Variants in SHANK2 observed in about 807,000 individuals in gnomAD.
The protein encoded by SHANK2 is SH3 and multiple ankyrin repeat domains protein 2.
SHANK2 carries 43 observed loss-of-function variants against 133.7 expected under a neutral mutation model. The ratio of observed to expected loss-of-function variants is 0.32; its 90% CI spans 0.25 to 0.41. The LOEUF (loss-of-function observed/expected upper bound fraction) is 0.41, where lower values mean the gene tolerates loss of function less well. Ranked by LOEUF, SHANK2 falls within the 10% of genes least tolerant of loss-of-function variation. The pLI is 1.00. For synonymous variants in SHANK2, 1,017 were observed against 952.8 expected, an observed-to-expected ratio of 1.07 and a Z score of -1.24; for missense variants, 1,994 against 2,235.8, an observed-to-expected ratio of 0.89 and a Z score of 2.18.
chr11:71,070,261 C>T (rs1177000400), intron 9 of SHANK2, among the ~76,000 whole-genome samples: 1 of 152,090 alleles, frequency 6.6e-6, no homozygotes, highest in Non-Finnish European at 1.5e-5. Context: ...TTAAAGACAC[C>T]CTAGAACCCT....
chr11:70,728,927 G>A (rs1407784021), intron 14 of SHANK2, among the ~76,000 whole-genome samples: 10 of 152,136 alleles, frequency 6.6e-5, no homozygotes, highest in African/African-American at 1.2e-4. Context: ...ATGAAGGGCC[G>A]GGCGTGGTGG....
chr11:70,581,373 C>A (rs1193576602), intron 17 of SHANK2, among the ~76,000 whole-genome samples: 1 of 151,790 alleles, frequency 6.6e-6, no homozygotes, highest in Non-Finnish European at 1.5e-5. Context: ...TTACTTCTCA[C>A]CAACACCATA....
At chr11:70,813,489 G>A (rs1334039404) in intron 12 of SHANK2, among the ~76,000 whole-genome samples, 1 of 152,120 alleles carries the variant, frequency 6.6e-6, no homozygotes, top group Non-Finnish European at 1.5e-5. Flanking sequence ...GGGAGCCCCT[G>A]ATGTGTAGAA....
intron 9 of SHANK2, among the ~76,000 whole-genome samples, chr11:71,068,526 A>C (rs1010090806): frequency 4.6e-5 from 7 of 152,210 alleles, no homozygotes; most frequent in Non-Finnish European, 8.8e-5. Context: ...GTTCAGGGAG[A>C]AGGGCTGTCA....
At chr11:71,150,801 C>G (rs556118494) in intron 2 of SHANK2, among the ~76,000 whole-genome samples, 1 of 152,122 alleles carries the variant, frequency 6.6e-6, no homozygotes, top group African/African-American at 2.4e-5. Context: ...AACTTCTCAC[C>G]CTGTGTTTAG....
At chr11:71,170,526 AG>A (rs1210729163) in intron 2 of SHANK2, among the ~76,000 whole-genome samples, 1 of 152,194 alleles carries the variant, frequency 6.6e-6, no homozygotes, top group Non-Finnish European at 1.5e-5. Context: ...GCCATCATGA[AG>A]GGATGTCTGT....
intron 17 of SHANK2, among the ~76,000 whole-genome samples, chr11:70,602,113 C>T (rs2060505616): frequency 1.3e-5 from 2 of 152,142 alleles, no homozygotes; most frequent in Admixed American, 1.3e-4. Context: ...TGCGTGGCAG[C>T]TCCCCCTTGC....
At chr11:71,217,121 C>CG (rs1193578815) in intron 2 of SHANK2, among the ~76,000 whole-genome samples, 2 of 151,644 alleles carry the variant, frequency 1.3e-5, no homozygotes, top group African/African-American at 2.4e-5. Context: ...CGCTTGAACC[C>CG]GGGGGGTAGA....
At chr11:70,924,943 C>T (rs1398441627) in intron 10 of SHANK2, among the ~76,000 whole-genome samples, 3 of 152,160 alleles carry the variant, frequency 2.0e-5, no homozygotes, top group Non-Finnish European at 4.4e-5. Flanking sequence ...AAGCGTTCAC[C>T]AGGACCCTCC....
intron 17 of SHANK2, among the ~76,000 whole-genome samples, chr11:70,526,382 C>T (rs1337522705): frequency 4.6e-5 from 7 of 152,214 alleles, no homozygotes; most frequent in African/African-American, 1.4e-4. Flanking sequence ...GGCTGGCTCT[C>T]GCTGGGTCAC....
intron 3 of SHANK2, 41 bp from the exon 4 acceptor site, chr11:71,119,073 C>T (rs782390178): frequency 4.1e-5 from 63 of 1,529,620 alleles, no homozygotes; most frequent in Non-Finnish European, 5.0e-5. Context: ...TGACAGAGGA[C>T]GCTACCTGAG....
At chr11:70,576,664 C>T (rs1359555191) in intron 17 of SHANK2, among the ~76,000 whole-genome samples, 8 of 152,074 alleles carry the variant, frequency 5.3e-5, no homozygotes, top group Non-Finnish European at 1.2e-4. Flanking sequence ...ACAAAAAACC[C>T]CACACTCCCA....
chr11:70,952,764 G>A (rs1555086950), intron 10 of SHANK2: 1 of 383,878 alleles, frequency 2.6e-6, no homozygotes, highest in South Asian at 1.7e-5. Context: ...GGGGGCCTGA[G>A]CAGCAGAAGT....
rs1430658898 is a variant in SHANK2, at chr11:70,739,183, C to G, written c.1778-40420G>C. Among the ~76,000 whole-genome samples, 1 of 152,226 alleles carries G rather than the reference C, an allele frequency of 6.6e-6. No individual in the cohort carries two copies. The highest frequency in any genetic ancestry group is 6.5e-5 in the Admixed American group (1 of 15,288). On this transcript the variant is annotated intron_variant, in intron 14 of 25. Coordinates refer to ENST00000601538, the MANE Select transcript of SHANK2 (RefSeq NM_012309.5). The surrounding 1 kb of genome is among the most constrained non-coding windows in gnomAD (Gnocchi z 4.3). The stretch of plus-strand genomic sequence containing the variant: ...AGGAGCCTGACCCACCAGCAACCAA[C>G]TGAACCTCAGCCAGAGGGCCTGATG...
intron 10 of SHANK2, among the ~76,000 whole-genome samples, chr11:70,903,801 T>C (rs1403097708): frequency 1.3e-5 from 2 of 152,226 alleles, no homozygotes; most frequent in Non-Finnish European, 2.9e-5. Context: ...AGCTTTGCAG[T>C]ACCAGGAGAA....
chr11:70,610,443 G>A (rs1249521792), intron 17 of SHANK2, among the ~76,000 whole-genome samples: 3 of 152,126 alleles, frequency 2.0e-5, no homozygotes, highest in Non-Finnish European at 2.9e-5. Context: ...CTGTCAGTCA[G>A]GGTGGCACAT....
chr11:70,921,633 G>A (rs1222589568), intron 10 of SHANK2, among the ~76,000 whole-genome samples: 1 of 152,306 alleles, frequency 6.6e-6, no homozygotes, highest in South Asian at 2.1e-4. Flanking sequence ...GAGAAATGCT[G>A]GTAAGCACAC....
Position 71,137,031 on chromosome 11 carries a change from T to G in SHANK2, c.207+10089A>C, listed in dbSNP as rs1337283895. On this transcript the variant is annotated intron_variant, in intron 3 of 25. Transcript: ENST00000601538. ...GCATGCGCCACCATGCCCAGCTAATTTTTGTATTTTTAGTAGAGACTGGAT... is the reference window on the plus strand; with the variant it reads ...GCATGCGCCACCATGCCCAGCTAATGTTTGTATTTTTAGTAGAGACTGGAT... 2.0e-5 allele frequency among the ~76,000 whole-genome samples: 3 copies of G among 151,954 alleles called. No homozygotes were observed. In the East Asian group the frequency reaches 5.8e-4, roughly 29 times the overall value.
chr11:70,648,586 AG>A (rs1199788921), intron 17 of SHANK2, among the ~76,000 whole-genome samples: 2 of 152,232 alleles, frequency 1.3e-5, no homozygotes, highest in African/African-American at 2.4e-5. Flanking sequence ...AAAATTTCCT[AG>A]GACCAGGGGT....
Sources: gnomAD v4.1 joint callset for allele counts (sites outside exome capture counted in the v4.1 genomes callset) on GRCh38, gnomAD v4.1.1 for gene constraint, Gnocchi (gnomAD v3.1) non-coding constraint, MANE v1.5 for transcripts, NCBI Gene and HGNC (gene_info 2026-07-23, HGNC 2026-07-21) for gene names.